Variants in HS3ST4 observed in about 807,000 individuals in gnomAD.
HS3ST4 encodes the protein heparan sulfate glucosamine 3-O-sulfotransferase 4.
In HS3ST4, 17 loss-of-function variants were observed where a neutral mutation model predicts 29.2. The observed-to-expected ratio is 0.58, with a 90% CI of 0.40 to 0.87. The LOEUF (loss-of-function observed/expected upper bound fraction) is 0.87, where lower values mean the gene tolerates loss of function less well. Ranked by LOEUF, HS3ST4 falls within the 40% of genes least tolerant of loss-of-function variation. The pLI is 0.00. For missense variants in HS3ST4, 627 were observed against 634.5 expected (o/e 0.99, Z 0.13); for synonymous variants, 314 against 285.7 (o/e 1.10, Z -1.00).
chr16:25,817,989 A>G lies in HS3ST4; in HGVS notation c.734+124838A>G, dbSNP rs188105976. ...AGCACATGCCTGAAACTTGGGAGTC[A>G]TAAAATCCTTGTCTTGACACCACTG... On this transcript the variant is annotated intron_variant, in intron 1 of 1. Coordinates refer to ENST00000331351, the MANE Select transcript of HS3ST4 (RefSeq NM_006040.3). Among the ~76,000 whole-genome samples the G allele has an allele frequency of 4.1e-4, 63 of 152,358 alleles. 1 individual carries two copies. Among genetic ancestry groups the G allele is most frequent in the African/African-American group, 1.4e-3 (60 of 41,584 alleles).
chr16:25,984,571 C>T lies in HS3ST4; in HGVS notation c.735-151041C>T, dbSNP rs369216937. On this transcript the variant is annotated intron_variant, in intron 1 of 1. Transcript: ENST00000331351. ...AATCTCTCCCTAACTCTCCTTCCTC[C>T]TTGCCCTTCCATCCTCTAATATCCT... 4.6e-5 allele frequency among the ~76,000 whole-genome samples: 7 copies of T among 152,156 alleles called. No homozygotes were observed. The East Asian group carries it at 1.3e-3, about 29-fold the overall frequency.
chr16:26,113,634 G>A (rs1321369343), intron 1 of HS3ST4, among the ~76,000 whole-genome samples: 2 of 151,878 alleles, frequency 1.3e-5, no homozygotes, highest in African/African-American at 4.8e-5. Flanking sequence ...GACTGGTTTT[G>A]GTCAACCATT....
intron 1 of HS3ST4, among the ~76,000 whole-genome samples, chr16:26,069,197 C>T (rs896079846): frequency 6.6e-6 from 1 of 152,206 alleles, no homozygotes; most frequent in Non-Finnish European, 1.5e-5. Flanking sequence ...AGTGATACAA[C>T]TGCCTCAGCC....
intron 1 of HS3ST4, among the ~76,000 whole-genome samples, chr16:26,033,514 CAAA>C (rs112569573): frequency 2.4e-4 from 27 of 113,376 alleles, no homozygotes; most frequent in Admixed American, 2.7e-4. Context: ...GACTCTGTCT[CAAA>C]AAAAAAAAAA....
chr16:25,931,553 A>G (rs1442931363), intron 1 of HS3ST4, among the ~76,000 whole-genome samples: 2 of 152,230 alleles, frequency 1.3e-5, no homozygotes, highest in East Asian at 1.9e-4. Context: ...AGCACCTTCA[A>G]TGGGCAGTTA....
intron 1 of HS3ST4, among the ~76,000 whole-genome samples, chr16:25,815,544 G>C (rs1374761848): frequency 1.3e-5 from 2 of 152,038 alleles, no homozygotes; most frequent in Non-Finnish European, 2.9e-5. Flanking sequence ...GGCTAGTCTC[G>C]AACTCCTGAC....
At chr16:25,948,600 C>G (rs1968653489) in intron 1 of HS3ST4, among the ~76,000 whole-genome samples, 1 of 152,062 alleles carries the variant, frequency 6.6e-6, no homozygotes, top group Non-Finnish European at 1.5e-5. Flanking sequence ...CAGTCTGTAC[C>G]CCTTTGTTCT....
chr16:25,773,388 G>A (rs1402318832), intron 1 of HS3ST4, among the ~76,000 whole-genome samples: 2 of 152,098 alleles, frequency 1.3e-5, no homozygotes, highest in African/African-American at 2.4e-5. Flanking sequence ...ATTGGTTTTG[G>A]CTCCTAATAC....
intron 1 of HS3ST4, among the ~76,000 whole-genome samples, chr16:26,121,009 A>T (rs779622958): frequency 6.6e-6 from 1 of 152,300 alleles, no homozygotes; most frequent in Non-Finnish European, 1.5e-5. Context: ...CATCCTAACC[A>T]CTAAGCCTTT....
intron 1 of HS3ST4, among the ~76,000 whole-genome samples, chr16:25,729,136 A>G (rs1340141616): frequency 1.3e-5 from 2 of 152,132 alleles, no homozygotes; most frequent in East Asian, 1.9e-4. Flanking sequence ...GGGTACATCA[A>G]GAAGGAGTCT....
intron 1 of HS3ST4, among the ~76,000 whole-genome samples, chr16:26,093,031 C>T (rs148186358): frequency 1.2e-3 from 184 of 152,222 alleles, no homozygotes; most frequent in African/African-American, 3.7e-3. Context: ...GCAGCCTGGC[C>T]GGGAGAGGGG....
intron 1 of HS3ST4, among the ~76,000 whole-genome samples, chr16:25,793,476 C>A (rs1484611304): frequency 6.6e-6 from 1 of 151,928 alleles, no homozygotes; most frequent in African/African-American, 2.4e-5. Flanking sequence ...TAGTTGCAGA[C>A]AGATTTAGAA....
chr16:26,104,280 C>T (rs928426759), intron 1 of HS3ST4, among the ~76,000 whole-genome samples: 1 of 152,162 alleles, frequency 6.6e-6, no homozygotes, highest in African/African-American at 2.4e-5. Context: ...GCCCCCACTC[C>T]GTCAATTTAT....
intron 1 of HS3ST4, among the ~76,000 whole-genome samples, chr16:25,867,569 C>A (rs1967709117): frequency 6.6e-6 from 1 of 151,972 alleles, no homozygotes; most frequent in African/African-American, 2.4e-5. Context: ...AATAAACAGT[C>A]ACACACACGC....
At chr16:25,783,431 T>C (rs1338413873) in intron 1 of HS3ST4, among the ~76,000 whole-genome samples, 1 of 152,020 alleles carries the variant, frequency 6.6e-6, no homozygotes, top group African/African-American at 2.4e-5. Context: ...AAATCACTTT[T>C]CTCCTTTCCA....
intron 1 of HS3ST4, among the ~76,000 whole-genome samples, chr16:26,012,891 G>A (rs1012873079): frequency 5.9e-5 from 9 of 152,200 alleles, no homozygotes; most frequent in African/African-American, 1.9e-4. Context: ...GAGGCCAGGC[G>A]CAGTGGCTCA....
chr16:25,954,587 T>C (rs763765875), intron 1 of HS3ST4, among the ~76,000 whole-genome samples: 15 of 152,218 alleles, frequency 9.9e-5, no homozygotes, highest in Non-Finnish European at 2.1e-4. Flanking sequence ...AATCACTATG[T>C]TATAGTGAAA....
chr16:25,784,320 A>G (rs1472615675), intron 1 of HS3ST4, among the ~76,000 whole-genome samples: 1 of 152,198 alleles, frequency 6.6e-6, no homozygotes, highest in Non-Finnish European at 1.5e-5. Flanking sequence ...GAAGAATCTC[A>G]TGTCTCTCAC....
chr16:25,763,336 T>C (rs992319007), intron 1 of HS3ST4, among the ~76,000 whole-genome samples: 5 of 152,160 alleles, frequency 3.3e-5, no homozygotes, highest in African/African-American at 1.2e-4. Context: ...CAGAAGGAAA[T>C]GCCACCTGAT....
Sources: gnomAD v4.1 joint callset for allele counts (sites outside exome capture counted in the v4.1 genomes callset) on GRCh38, gnomAD v4.1.1 for gene constraint, MANE v1.5 for transcripts, NCBI Gene and HGNC (gene_info 2026-07-23, HGNC 2026-07-21) for gene names.